MALRD1: variants seen among roughly 807,000 people sequenced by gnomAD.
MALRD1 encodes the protein MAM and LDL receptor class A domain containing 1, also known as MAM and LDL-receptor class A domain-containing protein 1.
Under a neutral mutation model 242.1 loss-of-function variants are expected in MALRD1, and 247 were observed. The ratio of observed to expected loss-of-function variants is 1.02; its 90% CI spans 0.92 to 1.13. The LOEUF (loss-of-function observed/expected upper bound fraction) is 1.13, where lower values mean the gene tolerates loss of function less well. Among genes scored for constraint, MALRD1 ranks in the 50% most tolerant of loss-of-function variants. The pLI is 0.00. For synonymous variants in MALRD1, 995 were observed against 866.6 expected, an observed-to-expected ratio of 1.15 and a Z score of -2.60; for missense variants, 2,989 against 2,533.1, an observed-to-expected ratio of 1.18 and a Z score of -3.86.
At chr10:19,423,465 A>G (rs1833789067) in intron 28 of MALRD1, among the ~76,000 whole-genome samples, 1 of 152,114 alleles carries the variant, frequency 6.6e-6, no homozygotes, top group Non-Finnish European at 1.5e-5. Flanking sequence ...ACCCCCCAGA[A>G]AAACATAAAC....
intron 21 of MALRD1, among the ~76,000 whole-genome samples, chr10:19,287,643 T>C (rs1466709293): frequency 2.0e-5 from 3 of 152,102 alleles, no homozygotes; most frequent in Non-Finnish European, 4.4e-5. Flanking sequence ...GGGAAAATGA[T>C]TGATATTTGG....
intron 28 of MALRD1, among the ~76,000 whole-genome samples, chr10:19,424,127 A>T (rs1255427618): frequency 6.6e-6 from 1 of 152,040 alleles, no homozygotes; most frequent in African/African-American, 2.4e-5. Context: ...TTCTGCAATT[A>T]TGCCACTTGT....
chr10:19,076,322 C>T (rs1335125051), intron 2 of MALRD1, among the ~76,000 whole-genome samples: 2 of 151,816 alleles, frequency 1.3e-5, no homozygotes, highest in Non-Finnish European at 2.9e-5. Context: ...TATGTACTTA[C>T]TTATTTATTT....
intron 14 of MALRD1, among the ~76,000 whole-genome samples, chr10:19,197,316 A>T (rs998362173): frequency 6.6e-6 from 1 of 151,336 alleles, no homozygotes; most frequent in African/African-American, 2.4e-5. Context: ...TCGAATTCTC[A>T]TTTCTTGTCT....
At chr10:19,211,110 G>C (rs1006707418) in intron 18 of MALRD1, among the ~76,000 whole-genome samples, 11 of 152,166 alleles carry the variant, frequency 7.2e-5, no homozygotes, top group Non-Finnish European at 1.0e-4. Flanking sequence ...GTATGTAGTG[G>C]ATAAGCCCTT....
intron 36 of MALRD1, among the ~76,000 whole-genome samples, chr10:19,629,518 A>G (rs1839817273): frequency 6.6e-6 from 1 of 152,178 alleles, no homozygotes; most frequent in African/African-American, 2.4e-5. Context: ...ATCCTAAAGT[A>G]GCTGCATAGG....
chr10:19,308,708 A>T (rs2131982773), intron 21 of MALRD1, among the ~76,000 whole-genome samples: 1 of 151,700 alleles, frequency 6.6e-6, no homozygotes, highest in Middle Eastern at 3.4e-3. Context: ...CTGGCTTAAG[A>T]ACACATTTCT....
intron 29 of MALRD1, among the ~76,000 whole-genome samples, chr10:19,489,639 T>C (rs1837394496): frequency 6.6e-6 from 1 of 152,196 alleles, no homozygotes; most frequent in South Asian, 2.1e-4. Context: ...GTGTGGGATA[T>C]TGAATTATGG....
At chr10:19,167,156 G>A (rs1380431089) in intron 13 of MALRD1, among the ~76,000 whole-genome samples, 1 of 151,928 alleles carries the variant, frequency 6.6e-6, no homozygotes, top group African/African-American at 2.4e-5. Context: ...TCAGGAGATC[G>A]AGACCATCCT....
rs573590169 is a variant in MALRD1 at position 19,488,669 on chromosome 10, T to C, written c.5030-2848T>C. 13 of 189,086 alleles carry C rather than the reference T, an allele frequency of 6.9e-5. No homozygotes were observed. The South Asian group carries it at 1.3e-3, about 19-fold the overall frequency. 11.7% of individuals were successfully genotyped at this position (189,086 alleles called of 1,614,324 possible). ...CTTCAGTCATAGGATATAGAACAAT[T>C]GCAGGTACTTGAGAGTCACAGAAAA... is the stretch of plus-strand genomic sequence containing the variant. On this transcript the variant is annotated intron_variant, in intron 29 of 39. Coordinates refer to ENST00000454679, the MANE Select transcript of MALRD1 (RefSeq NM_001142308.3).
intron 24 of MALRD1, among the ~76,000 whole-genome samples, chr10:19,335,854 T>G (rs1270357589): frequency 6.6e-6 from 1 of 152,116 alleles, no homozygotes; most frequent in African/African-American, 2.4e-5. Flanking sequence ...GTGCAGAACA[T>G]GCAGATTTGT....
chr10:19,466,882 AT>A (rs1280019070), intron 29 of MALRD1, among the ~76,000 whole-genome samples: 1 of 152,062 alleles, frequency 6.6e-6, no homozygotes, highest in African/African-American at 2.4e-5. Context: ...CAGGTGTGGA[AT>A]TTTTCACTGA....
At chr10:19,193,834 G>GA (rs56944309) in intron 14 of MALRD1, among the ~76,000 whole-genome samples, 34,481 of 134,776 alleles carry the variant, frequency 0.26, 4,086 homozygotes, top group Middle Eastern at 0.29. Context: ...TAGTCTGGGG[G>GA]AAAAAAAATA....
At chr10:19,597,116 A>G (rs993614859) in intron 34 of MALRD1, among the ~76,000 whole-genome samples, 1 of 152,136 alleles carries the variant, frequency 6.6e-6, no homozygotes, top group African/African-American at 2.4e-5. Context: ...TCCTACCTAT[A>G]TATTCTCTCT....
chr10:19,176,656 G>A (rs1013627873), intron 14 of MALRD1, among the ~76,000 whole-genome samples: 2 of 151,612 alleles, frequency 1.3e-5, no homozygotes, highest in East Asian at 2.0e-4. Context: ...TTACAGGCGT[G>A]AGCCACCGCG....
rs544451283 is a variant in MALRD1, at chr10:19,607,903, G to A, written c.6070+1G>A. Reference sequence around the variant, plus strand: ...CAGCTTGATGAGTCCAGCTGCTCCGGTACCCCATTTCCATTCAGATATTCT... The same window carrying A: ...CAGCTTGATGAGTCCAGCTGCTCCGATACCCCATTTCCATTCAGATATTCT... On this transcript the variant is annotated splice_donor_variant, in intron 35 of 39. Transcript: ENST00000454679. LOFTEE classifies it high-confidence loss of function. The A allele has an allele frequency of 1.3e-6, 2 of 1,549,132 alleles. No individual in the cohort carries two copies. Among genetic ancestry groups the A allele is most frequent in the African/African-American group, 2.7e-5 (2 of 73,022 alleles).
At chr10:19,499,461 AAC>A (rs992838975) in intron 31 of MALRD1, among the ~76,000 whole-genome samples, 7 of 152,006 alleles carry the variant, frequency 4.6e-5, no homozygotes, top group African/African-American at 1.7e-4. Flanking sequence ...AAAAAAAAAA[AAC>A]CAGCCTATGC....
intron 26 of MALRD1, 30 bp downstream of exon 26, chr10:19,352,327 A>AT: frequency 6.6e-7 from 1 of 1,511,136 alleles, no homozygotes; most frequent in Non-Finnish European, 8.9e-7. Context: ...TGTGTGTGGT[A>AT]TTTTTGCATG....
In MALRD1 at chr10:19,659,812, A is replaced by G. The variant is rs149831525; in HGVS notation, c.6138-32470A>G. Among the ~76,000 whole-genome samples the G allele has an allele frequency of 7.9e-5, 12 of 152,240 alleles. No homozygotes were observed. In the East Asian group the frequency reaches 2.3e-3, roughly 29 times the overall value. ...TAATTTGAAGCCCCGTCTCAAATCC[A>G]ATGATGAGTGTTCCATTTTCAGCTC... On this transcript the variant is annotated intron_variant, in intron 36 of 39. Coordinates refer to ENST00000454679, the MANE Select transcript of MALRD1 (RefSeq NM_001142308.3).
Sources: allele counts gnomAD v4.1 joint callset (sites outside exome capture counted in the v4.1 genomes callset), GRCh38; gene constraint gnomAD v4.1.1; transcripts MANE v1.5; gene names NCBI Gene and HGNC (gene_info 2026-07-23, HGNC 2026-07-21).